CNTN6: variants seen among roughly 807,000 people sequenced by gnomAD.
The protein encoded by CNTN6 is contactin 6.
Under a neutral mutation model 122.8 loss-of-function variants are expected in CNTN6, and 137 were observed. That is an observed-to-expected ratio of 1.12 (90% CI 0.97 to 1.29). The LOEUF (loss-of-function observed/expected upper bound fraction) is 1.29. Ranked by LOEUF, CNTN6 falls within the 50% of genes most tolerant of loss-of-function variation. The probability of loss-of-function intolerance (pLI) is 0.00; values close to 1 mark genes in which losing one functional copy is unlikely to be tolerated. For missense variants in CNTN6, 1,634 were observed against 1,223.4 expected, an observed-to-expected ratio of 1.34 and a Z score of -5.01; for synonymous variants, 570 against 426.0, an observed-to-expected ratio of 1.34 and a Z score of -4.16.
rs556013930 is a variant in CNTN6, at chr3:1,169,785, T to C, written c.55+21722T>C. Reference sequence around the variant, plus strand: ...CAGATAACTGGCTCAGGCTTTCTATTTTATTTGATAAACTTTGGTCATTCT... The same window carrying C: ...CAGATAACTGGCTCAGGCTTTCTATCTTATTTGATAAACTTTGGTCATTCT... On this transcript the variant is annotated intron_variant, in intron 2 of 22. Coordinates refer to ENST00000446702, the MANE Select transcript of CNTN6 (RefSeq NM_001289080.2). Among the ~76,000 whole-genome samples, 5 of 152,338 alleles carry C rather than the reference T, an allele frequency of 3.3e-5. 1 individual carries two copies. Among genetic ancestry groups the C allele is most frequent in the African/African-American group, 1.2e-4 (5 of 41,574 alleles).
intron 7 of CNTN6, among the ~76,000 whole-genome samples, chr3:1,315,428 T>C (rs1699956720): frequency 6.6e-6 from 1 of 151,886 alleles, no homozygotes; most frequent in South Asian, 2.1e-4. Context: ...TCTGGAACTC[T>C]AAGTGGAGGA....
chr3:1,244,712 C>T (rs999500130), intron 4 of CNTN6, among the ~76,000 whole-genome samples: 3 of 151,768 alleles, frequency 2.0e-5, no homozygotes, highest in Non-Finnish European at 2.9e-5. Flanking sequence ...GGGCTGAGTC[C>T]GAAAAGAGAG....
At chr3:1,383,567 C>A (rs1430041231) in intron 19 of CNTN6, among the ~76,000 whole-genome samples, 159 bp downstream of exon 19, 1 of 152,128 alleles carries the variant, frequency 6.6e-6, no homozygotes, top group Non-Finnish European at 1.5e-5. Flanking sequence ...AGGTGAGCCC[C>A]CACATTGAGA....
At chr3:1,240,725 A>T (rs2094471905) in intron 4 of CNTN6, among the ~76,000 whole-genome samples, 1 of 152,064 alleles carries the variant, frequency 6.6e-6, no homozygotes. Flanking sequence ...AAAAAGAAAA[A>T]AAAGAAAAAA....
intron 1 of CNTN6, among the ~76,000 whole-genome samples, chr3:1,113,861 C>G (rs971617802): frequency 7.3e-4 from 1 of 1,370 alleles, no homozygotes; most frequent in African/African-American, 5.8e-3. Context: ...AATACTCTCA[C>G]TCACTCAAAT....
At chr3:1,340,887 C>G (rs924238030) in intron 11 of CNTN6, among the ~76,000 whole-genome samples, 3 of 152,118 alleles carry the variant, frequency 2.0e-5, no homozygotes, top group African/African-American at 7.2e-5. Flanking sequence ...GCCCTGTTCT[C>G]TCACCTTTTT....
intron 4 of CNTN6, among the ~76,000 whole-genome samples, chr3:1,268,345 C>T (rs1559658232): frequency 2.0e-5 from 3 of 152,024 alleles, no homozygotes; most frequent in African/African-American, 2.4e-5. Context: ...CGGTGGCTCA[C>T]GCTTGTAATC....
intron 2 of CNTN6, among the ~76,000 whole-genome samples, chr3:1,168,634 T>C (rs983784074): frequency 1.3e-5 from 2 of 151,956 alleles, no homozygotes; most frequent in African/African-American, 4.8e-5. Context: ...AACCTCATTT[T>C]ACAGATCCCA....
At chr3:1,199,377 A>C (rs1955405275) in intron 2 of CNTN6, among the ~76,000 whole-genome samples, 1 of 151,734 alleles carries the variant, frequency 6.6e-6, no homozygotes, top group Non-Finnish European at 1.5e-5. Context: ...ACAGGGTCTC[A>C]CCATGTTGCC....
At chr3:1,149,258 G>A (rs1372138348) in intron 2 of CNTN6, among the ~76,000 whole-genome samples, 1 of 152,134 alleles carries the variant, frequency 6.6e-6, no homozygotes, top group African/African-American at 2.4e-5. Flanking sequence ...TACAGAGCAT[G>A]GACATTGATT....
chr3:1,131,252 A>C (rs759168777), intron 1 of CNTN6, among the ~76,000 whole-genome samples: 3 of 152,070 alleles, frequency 2.0e-5, no homozygotes, highest in Admixed American at 2.0e-4. Flanking sequence ...GTAGGGTGTT[A>C]ATTATCCATG....
Position 1,401,508 on chromosome 3 carries a change from A to T in CNTN6, c.2780A>T (p.Lys927Ile). 6.2e-7 allele frequency: 1 copy of T among 1,611,920 alleles called. No individual in the cohort carries two copies. The highest frequency in any genetic ancestry group is 8.5e-7 in the Non-Finnish European group (1 of 1,178,504). ...TTATGCTTGAACTGGGAGCATGTAAAAACCATGGAAAATGAGTCTGAAGTT... is the reference window on the plus strand; with the variant it reads ...TTATGCTTGAACTGGGAGCATGTAATAACCATGGAAAATGAGTCTGAAGTT... ...SKLCLNWEHV[K>I]TMENESEVLG... Residue 927 changes from lysine to isoleucine, a missense_variant, in exon 21 of 23, where the codon AAA (lysine) becomes ATA (isoleucine). By Grantham distance (102) the Lys-to-Ile change is moderately radical. Transcript: ENST00000446702.
intron 1 of CNTN6, among the ~76,000 whole-genome samples, chr3:1,095,168 A>G (rs1163490219): frequency 3.0e-5 from 4 of 134,260 alleles, no homozygotes; most frequent in African/African-American, 1.2e-4. Flanking sequence ...CTTATCCTAC[A>G]CTTAAAAAAA....
At chr3:1,302,946 T>G (rs1697678778) in intron 7 of CNTN6, among the ~76,000 whole-genome samples, 1 of 15,816 alleles carries the variant, frequency 6.3e-5, no homozygotes, top group African/African-American at 1.0e-4. Flanking sequence ...TTTAAAATTT[T>G]TATTTTTATC....
intron 5 of CNTN6, among the ~76,000 whole-genome samples, chr3:1,293,418 T>C (rs1437889540): frequency 1.3e-5 from 2 of 152,182 alleles, no homozygotes; most frequent in Non-Finnish European, 2.9e-5. Context: ...AAGTCCAAAA[T>C]AGCTGTCAGT....
At chr3:1,094,438 A>G (rs2090412521) in intron 1 of CNTN6, among the ~76,000 whole-genome samples, 1 of 152,174 alleles carries the variant, frequency 6.6e-6, no homozygotes, top group African/African-American at 2.4e-5. Context: ...ATGGCTGTGC[A>G]GTCCAAAGAT....
intron 17 of CNTN6, among the ~76,000 whole-genome samples, chr3:1,379,028 T>C (rs1575958875): frequency 6.6e-6 from 1 of 152,186 alleles, no homozygotes; most frequent in Non-Finnish European, 1.5e-5. Flanking sequence ...ATTATCATCA[T>C]AGTGTACAGG....
At chr3:1,389,825 A>G (rs1693825403) in intron 20 of CNTN6, among the ~76,000 whole-genome samples, 1 of 151,504 alleles carries the variant, frequency 6.6e-6, no homozygotes, top group African/African-American at 2.4e-5. Flanking sequence ...GCCATTACAT[A>G]ATGGTAAAGG....
At chr3:1,273,553 T>C (rs1208828329) in intron 4 of CNTN6, among the ~76,000 whole-genome samples, 1 of 152,196 alleles carries the variant, frequency 6.6e-6, no homozygotes, top group African/African-American at 2.4e-5. Context: ...ATCTGTACAA[T>C]AGACCTTGTT....
Sources: allele counts gnomAD v4.1 joint callset (sites outside exome capture counted in the v4.1 genomes callset), GRCh38; gene constraint gnomAD v4.1.1; transcripts MANE v1.5; gene names NCBI Gene and HGNC (gene_info 2026-07-23, HGNC 2026-07-21).